Variants in SEC24B observed in about 807,000 individuals in gnomAD.
SEC24B encodes protein transport protein Sec24B.
SEC24B carries 45 observed loss-of-function variants against 142.8 expected under a neutral mutation model. The ratio of observed to expected loss-of-function variants is 0.32; its 90% CI spans 0.25 to 0.40. SEC24B has a LOEUF of 0.40. SEC24B is among the 10% of genes least tolerant of loss of function. The pLI is 1.00. For missense variants in SEC24B, 1,409 were observed against 1,526.8 expected (o/e 0.92, Z 1.29); for synonymous variants, 574 against 568.2 (o/e 1.01, Z -0.15).
intron 1 of SEC24B, among the ~76,000 whole-genome samples, chr4:109,439,980 C>T (rs966414043): frequency 2.6e-5 from 4 of 151,480 alleles, no homozygotes; most frequent in Non-Finnish European, 5.9e-5. Flanking sequence ...ATTAGCCAGG[C>T]GTGGTGGCAG....
At chr4:109,534,585 TA>T (rs1175966154) in intron 22 of SEC24B, among the ~76,000 whole-genome samples, 1 of 151,136 alleles carries the variant, frequency 6.6e-6, no homozygotes, top group African/African-American at 2.4e-5. Context: ...AGACTCCAAC[TA>T]AAAAAAGAAA....
intron 11 of SEC24B, among the ~76,000 whole-genome samples, chr4:109,519,485 G>C (rs1335185203): frequency 6.6e-6 from 1 of 152,212 alleles, no homozygotes; most frequent in Non-Finnish European, 1.5e-5. Flanking sequence ...CTTTGAGAAA[G>C]AAGAGTTTGA....
At chr4:109,442,380 A>G (rs1729014518) in intron 1 of SEC24B, among the ~76,000 whole-genome samples, 1 of 152,198 alleles carries the variant, frequency 6.6e-6, no homozygotes, top group Non-Finnish European at 1.5e-5. Flanking sequence ...CTATTTTAAC[A>G]TTTTAACAAA....
intron 14 of SEC24B, among the ~76,000 whole-genome samples, chr4:109,522,087 T>C (rs1167038558): frequency 6.6e-6 from 1 of 150,684 alleles, no homozygotes; most frequent in Non-Finnish European, 1.5e-5. Flanking sequence ...AGTCTTGCTC[T>C]GTCGCCCAGG....
chr4:109,433,906 A>G lies in SEC24B; in HGVS notation c.37A>G (p.Ser13Gly). ...CGCCGGGTCCTCTCACCCGGCCGCC[A>G]GCGCCCGGATCCCGCCCAAGTTCGG... ...APAGSSHPAA[S>G]ARIPPKFGGA... Residue 13 changes from serine (S) to glycine (G), a missense_variant, in exon 1 of 24, where the codon AGC (serine) becomes GGC (glycine). By Grantham distance (56) the Ser-to-Gly change is moderately conservative. Around this residue, in one of 2 missense-constraint regions of SEC24B, gnomAD observed 709 missense variants for 673.5 expected, o/e 1.05. Coordinates refer to ENST00000265175, the MANE Select transcript of SEC24B (RefSeq NM_006323.5). 2 of 1,339,196 alleles carry G rather than the reference A, an allele frequency of 1.5e-6. No individual in the cohort carries two copies. The highest frequency in any genetic ancestry group is 1.9e-6 in the Non-Finnish European group (2 of 1,042,082). The allele number at this position is 1,339,196 out of a possible 1,614,324, so 83.0% of individuals were successfully genotyped here.
intron 10 of SEC24B, among the ~76,000 whole-genome samples, chr4:109,514,553 G>A (rs982112279): frequency 1.3e-5 from 2 of 152,156 alleles, no homozygotes; most frequent in Non-Finnish European, 2.9e-5. Flanking sequence ...ACAAAAATTA[G>A]CTGGGCGTGG....
At chr4:109,517,042 A>G (rs1270085585) in intron 11 of SEC24B, among the ~76,000 whole-genome samples, 5 of 152,232 alleles carry the variant, frequency 3.3e-5, no homozygotes, top group Non-Finnish European at 7.3e-5. Flanking sequence ...TAGTACAGCC[A>G]TTATAGAAAA....
In SEC24B at chr4:109,481,719, C is replaced by A. The variant is rs765780753; in HGVS notation, c.1103C>A (p.Ala368Glu). 6.2e-7 allele frequency: 1 copy of A among 1,613,876 alleles called. No homozygotes were observed. The highest frequency in any genetic ancestry group is 1.3e-5 in the African/African-American group (1 of 75,040). ...TATGTTAATAACCAAGCTAGCTCCG[C>A]ACCAACTCCCTTGTCATCAACTTCC... The part of the protein sequence containing the change: ...GEYVNNQASS[A>E]PTPLSSTSDD... The change falls in exon 4 of 24, where the codon GCA becomes GAA. Residue 368 changes from alanine (A) to glutamate (E), a missense_variant. Transcript: ENST00000265175.
intron 6 of SEC24B, among the ~76,000 whole-genome samples, chr4:109,497,254 T>G (rs1735632033): frequency 6.6e-6 from 1 of 152,154 alleles, no homozygotes; most frequent in South Asian, 2.1e-4. Flanking sequence ...GACAAAGGAG[T>G]GTAGGAAGTA....
chr4:109,481,040 G>A (rs2125982467), intron 3 of SEC24B, among the ~76,000 whole-genome samples: 2 of 152,214 alleles, frequency 1.3e-5, no homozygotes, highest in Non-Finnish European at 2.9e-5. Context: ...TGACATGACT[G>A]GCTGTCTCAG....
chr4:109,440,799 G>A (rs1728863789), intron 1 of SEC24B, among the ~76,000 whole-genome samples: 1 of 152,172 alleles, frequency 6.6e-6, no homozygotes. Context: ...CTTGTAATAG[G>A]CACTCAGTTA....
chr4:109,538,128 C>G (rs1725759151), intron 22 of SEC24B, among the ~76,000 whole-genome samples: 1 of 152,036 alleles, frequency 6.6e-6, no homozygotes, highest in Non-Finnish European at 1.5e-5. Flanking sequence ...TATATAATTG[C>G]TAAGGGAATT....
chr4:109,516,415 A>G (rs1722917400), intron 10 of SEC24B, 113 bp from the exon 11 acceptor site: 1 of 619,400 alleles, frequency 1.6e-6, no homozygotes. Context: ...TAGCAATCCT[A>G]TTTGTGTATT....
chr4:109,444,332 A>T (rs1161321396), intron 1 of SEC24B, among the ~76,000 whole-genome samples: 1 of 152,064 alleles, frequency 6.6e-6, no homozygotes, highest in African/African-American at 2.4e-5. Flanking sequence ...GCCATTAAAG[A>T]TTGTGTGGTA....
intron 11 of SEC24B, among the ~76,000 whole-genome samples, chr4:109,518,722 T>A (rs186832474): frequency 6.6e-6 from 1 of 152,254 alleles, no homozygotes; most frequent in African/African-American, 2.4e-5. Context: ...CAAAAATAGC[T>A]TTAACAGTGA....
intron 21 of SEC24B, 121 bp downstream of exon 21, chr4:109,532,864 T>G: frequency 1.7e-6 from 1 of 577,954 alleles, no homozygotes. Context: ...GATTAGGAGC[T>G]GAAATTGGTA....
chr4:109,539,633 C>G lies in SEC24B; in HGVS notation c.3765C>G (p.Tyr1255Ter). ...IEDRTEAAFS[Y>*]YEFLLHVQQQ... ...ACCGGACAGAGGCTGCATTTTCTTACTATGAATTTTTGCTTCATGTTCAGC... is the reference window on the plus strand; with the variant it reads ...ACCGGACAGAGGCTGCATTTTCTTAGTATGAATTTTTGCTTCATGTTCAGC... Residue 1255 changes from tyrosine (Y) to a stop codon, truncating the protein, a stop_gained, in exon 24 of 24, where the codon TAC becomes TAG. Coordinates refer to ENST00000265175, the MANE Select transcript of SEC24B (RefSeq NM_006323.5). LOFTEE classifies it high-confidence loss of function. 4 of 1,613,698 alleles carry G rather than the reference C, an allele frequency of 2.5e-6. No homozygotes were observed. Among genetic ancestry groups the G allele is most frequent in the Non-Finnish European group, 3.4e-6 (4 of 1,179,802 alleles).
intron 1 of SEC24B, among the ~76,000 whole-genome samples, chr4:109,448,535 A>G (rs1729702862): frequency 6.6e-6 from 1 of 152,068 alleles, no homozygotes; most frequent in South Asian, 2.1e-4. Context: ...CCCAGGTTCA[A>G]GCGATTCTCC....
intron 5 of SEC24B, among the ~76,000 whole-genome samples, chr4:109,494,221 G>A (rs888968617): frequency 4.6e-5 from 7 of 152,138 alleles, no homozygotes; most frequent in East Asian, 3.9e-4. Context: ...TTGGTAGGCC[G>A]AGGTAGAAAA....
Sources: gnomAD v4.1 joint callset for allele counts (sites outside exome capture counted in the v4.1 genomes callset) on GRCh38, gnomAD v4.1.1 for gene constraint, gnomAD v4.1.1 regional missense constraint, MANE v1.5 for transcripts, NCBI Gene and HGNC (gene_info 2026-07-23, HGNC 2026-07-21) for gene names.